Variants in KRT15 observed in about 807,000 individuals in gnomAD.
KRT15 encodes keratin 15, also known as keratin, type I cytoskeletal 15.
Under a neutral mutation model 46.6 loss-of-function variants are expected in KRT15, and 45 were observed. The observed-to-expected ratio is 0.97, with a 90% CI of 0.76 to 1.24. KRT15 has a LOEUF of 1.24. Among genes scored for constraint, KRT15 ranks in the 50% most tolerant of loss-of-function variants. The probability of loss-of-function intolerance (pLI) is 0.00; values close to 1 mark genes in which losing one functional copy is unlikely to be tolerated. For synonymous variants in KRT15, 221 were observed against 233.8 expected (o/e 0.95, Z 0.50); for missense variants, 592 against 588.9 (o/e 1.01, Z -0.05).
chr17:41,514,783 C>T, intron 6 of KRT15, 109 bp from the exon 7 acceptor site: 1 of 1,117,930 alleles, frequency 8.9e-7, no homozygotes, highest in Non-Finnish European at 1.3e-6. Flanking sequence ...ACACCACCAC[C>T]ACCCACACAT....
intron 7 of KRT15, 44 bp downstream of exon 7, chr17:41,514,605 A>G: frequency 1.9e-6 from 3 of 1,592,656 alleles, no homozygotes; most frequent in Non-Finnish European, 2.6e-6. Context: ...TGGCTTCAAC[A>G]TCTCCCCTCC....
chr17:41,518,202 G>T, intron 1 of KRT15, 128 bp downstream of exon 1: 2 of 1,126,564 alleles, frequency 1.8e-6, no homozygotes, highest in East Asian at 2.5e-5. Flanking sequence ...AATTTGCTGA[G>T]ATTACATACC....
At position 41,515,775 on chromosome 17, in the gene KRT15, T is replaced by G; in HGVS notation, c.1027-83A>C. 6 of 1,598,878 alleles carry G rather than the reference T, an allele frequency of 3.8e-6. No homozygotes were observed. In the Middle Eastern group the frequency reaches 1.0e-3, roughly 265 times the overall value. ...AGCAGGGAGGGGGCACTGAATGGAG[T>G]TCAGGGAACCACCTCTTGAGGGGGC... On this transcript the variant is annotated intron_variant, in intron 5 of 7. Transcript: ENST00000254043.
intron 3 of KRT15, 86 bp from the exon 4 acceptor site, chr17:41,516,351 G>A: frequency 1.4e-6 from 2 of 1,415,466 alleles, no homozygotes; most frequent in Non-Finnish European, 1.9e-6. Flanking sequence ...TCCTGGCTCT[G>A]CCCGTAACAC....
chr17:41,517,637 C>T (rs79572930), intron 1 of KRT15: 2,759 of 184,624 alleles, frequency 0.015, 36 homozygotes, highest in African/African-American at 0.042. Context: ...AGGCATTTTA[C>T]GAATGAGGAA....
intron 7 of KRT15, 189 bp from the exon 8 acceptor site, chr17:41,514,309 G>A: frequency 3.3e-6 from 2 of 610,410 alleles, no homozygotes; most frequent in South Asian, 1.9e-5. Context: ...GCAATGGCAG[G>A]TATGCCCGGC....
At chr17:41,515,214 A>C in intron 6 of KRT15, 1 of 532,102 alleles carries the variant, frequency 1.9e-6, no homozygotes, top group Non-Finnish European at 3.4e-6. Flanking sequence ...AGAGAATGGA[A>C]TGAGCACTAG....
chr17:41,516,369 C>G, intron 3 of KRT15, 104 bp from the exon 4 acceptor site: 1 of 1,217,076 alleles, frequency 8.2e-7, no homozygotes, highest in Non-Finnish European at 1.2e-6. Context: ...CACACCCCAA[C>G]CGCTGTTCCC....
In KRT15 at chr17:41,516,815, T is replaced by A. The variant is rs1905395269; in HGVS notation, c.731A>T (p.His244Leu). 6.2e-7 allele frequency: 1 copy of A among 1,614,060 alleles called. No individual in the cohort carries two copies. The highest frequency in any genetic ancestry group is 1.1e-5 in the South Asian group (1 of 91,090). ...NEELAYLKKN[H>L]EEEMKEFSSQ... ...ATGGGGGCCAGCTCTCACCTCTTCG[T>A]GGTTCTTCTTCAGGTAGGCTAGCTC... The change falls in exon 3 of 8, where the codon CAC becomes CTC. Residue 244 changes from histidine to leucine, a missense_variant. His to Leu is a moderately conservative substitution (Grantham distance 99, BLOSUM62 -3). Coordinates refer to ENST00000254043, the MANE Select transcript of KRT15 (RefSeq NM_002275.4).
At chr17:41,516,477 G>T (rs1452006116) in intron 3 of KRT15, among the ~76,000 whole-genome samples, 1 of 152,140 alleles carries the variant, frequency 6.6e-6, no homozygotes, top group Non-Finnish European at 1.5e-5. Context: ...AGACTGTAGG[G>T]CCCTGATGTG....
Position 41,515,591 on chromosome 17 carries a change from A to G in KRT15, c.1128T>C (p.Ser376=), listed in dbSNP as rs966463091. The G allele has an allele frequency of 1.9e-6, 3 of 1,613,910 alleles. No homozygotes were observed. Among genetic ancestry groups the G allele is most frequent in the Non-Finnish European group, 2.5e-6 (3 of 1,180,004 alleles). ...GAGCCTCCATCTCGCATCGGAGCTC[A>G]CTCAGCTGGGCCTCCAGGCCACCAA... ...GLIGGLEAQL[S]ELRCEMEAQN... is the part of the protein sequence containing the mutation. The change falls in exon 6 of 8, where the codon AGT becomes AGC. Residue 376 remains serine (S), a synonymous_variant. Coordinates refer to ENST00000254043, the MANE Select transcript of KRT15 (RefSeq NM_002275.4).
At position 41,515,581 on chromosome 17, in the gene KRT15, A is replaced by G. The variant is rs539545400; in HGVS notation, c.1138T>C (p.Cys380Arg). 5.0e-6 allele frequency: 8 copies of G among 1,614,002 alleles called. No individual in the cohort carries two copies. The highest frequency in any genetic ancestry group is 1.6e-4 in the Middle Eastern group (1 of 6,084). ...TCCTGGTTCTGAGCCTCCATCTCGC[A>G]TCGGAGCTCACTCAGCTGGGCCTCC... The part of the protein sequence containing the change: ...GLEAQLSELR[C>R]EMEAQNQEYK... The change falls in exon 6 of 8, where the codon TGC becomes CGC. Residue 380 changes from cysteine to arginine, a missense_variant. Physicochemically the swap from Cys to Arg is radical, Grantham distance 180. Transcript: ENST00000254043.
intron 6 of KRT15, chr17:41,514,930 G>A (rs1809195): frequency 0.64 from 256,757 of 404,282 alleles, 83,870 homozygotes; most frequent in East Asian, 0.93. Context: ...GCAGTGGCAC[G>A]ATCTCAGCCC....
At chr17:41,514,141 C>A (rs1260410619) in intron 7 of KRT15, 21 bp from the exon 8 acceptor site, 2 of 1,597,044 alleles carry the variant, frequency 1.3e-6, no homozygotes, top group Non-Finnish European at 1.7e-6. Flanking sequence ...AAGGAGTAGG[C>A]TTTAGAGTGG....
rs1420648999 is a variant in KRT15 at position 41,513,751 on chromosome 17, C to T, written c.*272G>A. ...TGGACATACTGCCAAGAGATATTTG[C>T]AAAAGGAAAAGTAATTCTTTATTAC... On this transcript the variant is annotated 3_prime_UTR_variant, in exon 8 of 8. Transcript: ENST00000254043. 1.2e-5 allele frequency: 4 copies of T among 341,816 alleles called. No homozygotes were observed. The highest frequency in any genetic ancestry group is 8.4e-5 in the African/African-American group (4 of 47,570). 21.2% of individuals were successfully genotyped at this position (341,816 alleles called of 1,614,324 possible).
chr17:41,516,105 T>A lies in KRT15; in HGVS notation c.899A>T (p.Lys300Met). The A allele has an allele frequency of 6.2e-7, 1 of 1,614,182 alleles. No individual in the cohort carries two copies. Among genetic ancestry groups the A allele is most frequent in the Non-Finnish European group, 8.5e-7 (1 of 1,180,028 alleles). The change falls in exon 4 of 8, where the codon AAG (lysine) becomes ATG (methionine). Residue 300 changes from lysine to methionine, a missense_variant and splice_region_variant. Lys to Met is a moderately conservative substitution (Grantham distance 95, BLOSUM62 -1). Transcript: ENST00000254043. ...GGCAGGGCAGGATATAAGGCCCACC[T>A]TGCTGAAGAACCAGGCCTCGACATC... Reference protein sequence around the residue: ...RRDVEAWFFSKTEELNKEVAS... With the variant: ...RRDVEAWFFSMTEELNKEVAS...
At position 41,517,119 on chromosome 17, in the gene KRT15, T is replaced by A. The variant is rs1158863175; in HGVS notation, c.545A>T (p.Asp182Val). 1.2e-6 allele frequency: 2 copies of A among 1,614,158 alleles called. No individual in the cohort carries two copies. The highest frequency in any genetic ancestry group is 4.5e-5 in the East Asian group (2 of 44,872). ...IDNSRVILEI[D>V]NARLAADDFR... ...GTCGTCCGCAGCCAGCCTGGCATTG[T>A]CGATCTCCAGGATGACCCGGGAGTT... Residue 182 changes from aspartate (D) to valine (V), a missense_variant, in exon 2 of 8, where the codon GAC becomes GTC. Physicochemically the swap from Asp to Val is radical, Grantham distance 152. Coordinates refer to ENST00000254043, the MANE Select transcript of KRT15 (RefSeq NM_002275.4).
Position 41,518,361 on chromosome 17 carries a change from T to A in KRT15, c.467A>T (p.Tyr156Phe). The A allele has an allele frequency of 1.9e-6, 3 of 1,613,888 alleles. No homozygotes were observed. The highest frequency in any genetic ancestry group is 2.5e-6 in the Non-Finnish European group (3 of 1,179,892). The change falls in exon 1 of 8, where the codon TAC becomes TTC. Residue 156 changes from tyrosine (Y) to phenylalanine (F), a missense_variant. Physicochemically the swap from Tyr to Phe is conservative, Grantham distance 22. Transcript: ENST00000254043. ...CCGGAGCTCTTCAATGGTCTTGAAG[T>A]ATTGGCTGTAGTCGCATTCTGGGCT... ...PTSPECDYSQ[Y>F]FKTIEELRDK...
At chr17:41,514,191 C>T (rs1198021023) in intron 7 of KRT15, 71 bp from the exon 8 acceptor site, 7 of 1,242,726 alleles carry the variant, frequency 5.6e-6, no homozygotes, top group African/African-American at 4.4e-5. Context: ...AGGACCTTGG[C>T]GGGGCTCTGG....
Sources: allele counts gnomAD v4.1 joint callset (sites outside exome capture counted in the v4.1 genomes callset), GRCh38; gene constraint gnomAD v4.1.1; transcripts MANE v1.5; gene names NCBI Gene and HGNC (gene_info 2026-07-23, HGNC 2026-07-21).